Variants in VWA1 observed in about 807,000 individuals in gnomAD.
VWA1 encodes the protein von Willebrand factor A domain containing 1.
A neutral mutation model predicts 14.9 loss-of-function variants in VWA1; 12 were observed. The ratio of observed to expected loss-of-function variants is 0.80; its 90% confidence interval spans 0.52 to 1.30. The LOEUF is 1.30. Among genes scored for constraint, VWA1 ranks in the 50% most tolerant of loss-of-function variants. The pLI is 0.00. For missense variants in VWA1, 800 were observed against 649.1 expected, an observed-to-expected ratio of 1.23 and a Z score of -2.53; for synonymous variants, 368 against 310.7, an observed-to-expected ratio of 1.18 and a Z score of -1.94.
intron 1 of VWA1, among the ~76,000 whole-genome samples, chr1:1,436,292 G>A (rs1234745950): frequency 6.6e-6 from 1 of 152,188 alleles, no homozygotes; most frequent in Non-Finnish European, 1.5e-5. Context: ...GAGGTGCCCG[G>A]AGGAAGGGGG....
At position 1,437,451 on chromosome 1, in the gene VWA1, A is replaced by C; in HGVS notation, c.598A>C (p.Ile200Leu). 1 of 1,610,604 alleles carries C rather than the reference A, an allele frequency of 6.2e-7. No individual in the cohort carries two copies. Among genetic ancestry groups the C allele is most frequent in the Non-Finnish European group, 8.5e-7 (1 of 1,178,240 alleles). ...LHFVDVDDLH[I>L]IVQELRGSIL... Reference sequence around the variant, plus strand: ...CTTTGTGGACGTGGATGACCTGCACATCATTGTCCAAGAGCTGAGGGGCTC... The same window carrying C: ...CTTTGTGGACGTGGATGACCTGCACCTCATTGTCCAAGAGCTGAGGGGCTC... Residue 200 changes from isoleucine (I) to leucine (L), a missense_variant, in exon 2 of 3, where the codon ATC becomes CTC. Transcript: ENST00000476993.
At position 1,437,285 on chromosome 1, in the gene VWA1, TGGC is replaced by T; in HGVS notation, c.436_438del (p.Gly146del). On this transcript the variant is annotated inframe_deletion, in exon 2 of 3. Transcript: ENST00000476993. ...CCAAAGTGCTGGTGTGGGTGACAGA[TGGC>T]GGCTCCAGCGACCCTGTGGGCCCCC... The T allele has an allele frequency of 6.2e-7, 1 of 1,610,390 alleles. No homozygotes were observed. The highest frequency in any genetic ancestry group is 8.5e-7 in the Non-Finnish European group (1 of 1,178,982).
chr1:1,439,732 G>T lies in VWA1; in HGVS notation c.1283G>T (p.Arg428Leu). 2 of 1,117,556 alleles carry T rather than the reference G, an allele frequency of 1.8e-6. No homozygotes were observed. Among genetic ancestry groups the T allele is most frequent in the Non-Finnish European group, 2.2e-6 (2 of 915,126 alleles). The allele number at this position is 1,117,556 out of a possible 1,614,324, so 69.2% of individuals were successfully genotyped here. ...TGCACGCCCGACGGCCCGCGCCCGC[G>T]CCCACGCCCCGTGCCCCGCGCCCCG... is the stretch of plus-strand genomic sequence containing the variant. The part of the protein sequence containing the change: ...KACTPDGPRP[R>L]PRPVPRAPTP... The change falls in exon 3 of 3, where the codon CGC becomes CTC. Residue 428 changes from arginine (R) to leucine (L), a missense_variant. Coordinates refer to ENST00000476993, the MANE Select transcript of VWA1 (RefSeq NM_022834.5).
intron 2 of VWA1, among the ~76,000 whole-genome samples, chr1:1,438,187 C>A (rs145904956): frequency 0.02 from 3,058 of 152,266 alleles, 124 homozygotes; most frequent in African/African-American, 0.07. Context: ...TAATCATCCA[C>A]CCAGAGCCGG....
chr1:1,436,311 G>A (rs1414110531), intron 1 of VWA1, among the ~76,000 whole-genome samples: 1 of 152,208 alleles, frequency 6.6e-6, no homozygotes, highest in Admixed American at 6.5e-5. Flanking sequence ...GGAAGCCTGC[G>A]AGGGGCTGTT....
At chr1:1,438,705 G>T (rs993294695) in intron 2 of VWA1, among the ~76,000 whole-genome samples, 1 of 152,140 alleles carries the variant, frequency 6.6e-6, no homozygotes, top group African/African-American at 2.4e-5. Flanking sequence ...ACCCCGGCCT[G>T]GCCACTCAGG....
In VWA1 at chr1:1,441,216, C is replaced by T. The variant is rs1030242456; in HGVS notation, c.*1429C>T. The T allele has an allele frequency of 6.6e-6, 1 of 152,304 alleles. No homozygotes were observed. The highest frequency in any genetic ancestry group is 6.5e-5 in the Admixed American group (1 of 15,288). 9.4% of individuals were successfully genotyped at this position (152,304 alleles called of 1,614,324 possible). ...CTGGTGGGCATTGTGCCAGGGGCCACCTTCGGGACAGCTGGCCTTGGCACC... is the reference window on the plus strand; with the variant it reads ...CTGGTGGGCATTGTGCCAGGGGCCATCTTCGGGACAGCTGGCCTTGGCACC... On this transcript the variant is annotated 3_prime_UTR_variant, in exon 3 of 3. Transcript: ENST00000476993.
rs1638681799 is a variant in VWA1, at chr1:1,442,127, T to A, written c.*2340T>A. 1 of 152,306 alleles carries A rather than the reference T, an allele frequency of 6.6e-6. No homozygotes were observed. Among genetic ancestry groups the A allele is most frequent in the Non-Finnish European group, 1.5e-5 (1 of 68,112 alleles). 9.4% of individuals were successfully genotyped at this position (152,306 alleles called of 1,614,324 possible). A position where few individuals can be genotyped will look rare whatever the true frequency, so the allele number is the denominator to read the frequency against. ...AATCTGCACCAAGTCTCAGAACAGC[T>A]CTGGCCCCGGAGTGCTCCGTCCAGG... On this transcript the variant is annotated 3_prime_UTR_variant, in exon 3 of 3. Transcript: ENST00000476993.
Position 1,436,921 on chromosome 1 carries a change from C to G in VWA1, c.74-6C>G, listed in dbSNP as rs1557769013. The G allele has an allele frequency of 1.3e-6, 2 of 1,575,226 alleles. No homozygotes were observed. Among genetic ancestry groups the G allele is most frequent in the Non-Finnish European group, 8.6e-7 (1 of 1,158,584 alleles). ...CCTGAGGCTGAGCATTCCTCCTTTC[C>G]CCCAGGTCCACCAGCATCAGCCCCC... On this transcript the variant is annotated splice_polypyrimidine_tract_variant and splice_region_variant and intron_variant, in intron 1 of 2. Coordinates refer to ENST00000476993, the MANE Select transcript of VWA1 (RefSeq NM_022834.5).
In VWA1 at chr1:1,435,836, C is replaced by A. The variant is rs1040309376; in HGVS notation, c.73+15C>A. The A allele has an allele frequency of 1.4e-5, 15 of 1,104,740 alleles. No homozygotes were observed. The highest frequency in any genetic ancestry group is 1.5e-5 in the Non-Finnish European group (14 of 914,374). 68.4% of individuals were successfully genotyped at this position (1,104,740 alleles called of 1,614,324 possible). A position where few individuals can be genotyped will look rare whatever the true frequency, so the allele number is the denominator to read the frequency against. On this transcript the variant is annotated intron_variant, in intron 1 of 2. Coordinates refer to ENST00000476993, the MANE Select transcript of VWA1 (RefSeq NM_022834.5). ...CGCGGAGCGCGGTGAGTGCGGCGGG[C>A]GGCCGGGCCGGGGCTGGGGCTTCTG...
rs547144841 is a variant in VWA1, at chr1:1,437,612, C to A, written c.631+128C>A. On this transcript the variant is annotated intron_variant, in intron 2 of 2. Coordinates refer to ENST00000476993, the MANE Select transcript of VWA1 (RefSeq NM_022834.5). Reference sequence around the variant, plus strand: ...CAGGGCCTCCGGGGCTGTGGTACCCCTAGGGTGCAGGGCTGAGTGATGCAG... The same window carrying A: ...CAGGGCCTCCGGGGCTGTGGTACCCATAGGGTGCAGGGCTGAGTGATGCAG... 1.5e-4 allele frequency: 178 copies of A among 1,206,116 alleles called. No individual in the cohort carries two copies. The African/African-American group carries it at 2.4e-3, about 16-fold the overall frequency. 74.7% of individuals were successfully genotyped at this position (1,206,116 alleles called of 1,614,324 possible).
Position 1,435,694 on chromosome 1 carries a change from C to CCGAGCGAGCGAG in VWA1, c.-42_-31dup, listed in dbSNP as rs578075998. 20 of 1,157,378 alleles carry CCGAGCGAGCGAG rather than the reference C, an allele frequency of 1.7e-5. No homozygotes were observed. In the East Asian group the frequency reaches 2.2e-4, roughly 13 times the overall value. The allele number at this position is 1,157,378 out of a possible 1,614,324, so 71.7% of individuals were successfully genotyped here. A position where few individuals can be genotyped will look rare whatever the true frequency, so the allele number is the denominator to read the frequency against. Reference sequence around the variant, plus strand: ...CCGCGCGGTGACGCGCCCTGCAGCCCCGAGCGAGCGAGCGAGCGAGCGAGT... The same window carrying CCGAGCGAGCGAG: ...CCGCGCGGTGACGCGCCCTGCAGCCCCGAGCGAGCGAGCGAGCGAGCGAGCGAGCGAGCGAGT... On this transcript the variant is annotated 5_prime_UTR_variant, in exon 1 of 3. Coordinates refer to ENST00000476993, the MANE Select transcript of VWA1 (RefSeq NM_022834.5).
intron 1 of VWA1, chr1:1,436,721 A>G: frequency 1.8e-6 from 1 of 567,004 alleles, no homozygotes; most frequent in Non-Finnish European, 3.1e-6. Context: ...AAGCCCAGAG[A>G]GAGCCCTAGA....
At position 1,439,187 on chromosome 1, in the gene VWA1, G is replaced by GC; in HGVS notation, c.739dup (p.Leu247ProfsTer40). 6.2e-7 allele frequency: 1 copy of GC among 1,606,132 alleles called. No individual in the cohort carries two copies. The highest frequency in any genetic ancestry group is 8.5e-7 in the Non-Finnish European group (1 of 1,179,412). On this transcript the variant is annotated frameshift_variant, in exon 3 of 3. Transcript: ENST00000476993. LOFTEE classifies it low-confidence loss of function (END_TRUNC). ...CAGACTCGGGCTACTATGTGCTGGAGCTGGTGCCCAGCGCCCAGCCGGGGG... is the reference window on the plus strand; with the variant it reads ...CAGACTCGGGCTACTATGTGCTGGAGCCTGGTGCCCAGCGCCCAGCCGGGGG...
chr1:1,439,234 C>T lies in VWA1; in HGVS notation c.785C>T (p.Pro262Leu), dbSNP rs1400221596. 1 of 1,607,552 alleles carries T rather than the reference C, an allele frequency of 6.2e-7. No homozygotes were observed. The change falls in exon 3 of 3, where the codon CCA becomes CTA. Residue 262 changes from proline to leucine, a missense_variant. By Grantham distance (98) the Pro-to-Leu change is moderately conservative. Coordinates refer to ENST00000476993, the MANE Select transcript of VWA1 (RefSeq NM_022834.5). ...GGGGCTGCAAGACGCCAGCAGCTGCCAGGGAACGCCACGGACTGGATCTGG... is the reference window on the plus strand; with the variant it reads ...GGGGCTGCAAGACGCCAGCAGCTGCTAGGGAACGCCACGGACTGGATCTGG... ...QPGAARRQQL[P>L]GNATDWIWAG...
At position 1,439,985 on chromosome 1, in the gene VWA1, G is replaced by A; in HGVS notation, c.*198G>A. On this transcript the variant is annotated 3_prime_UTR_variant, in exon 3 of 3. Coordinates refer to ENST00000476993, the MANE Select transcript of VWA1 (RefSeq NM_022834.5). The stretch of plus-strand genomic sequence containing the variant: ...GCCTGCCCTCCAGGGCTGGGGCCTC[G>A]CCTGGCGGGACCCCGCAGCAGCCCC... The A allele has an allele frequency of 3.5e-6, 2 of 566,530 alleles. No homozygotes were observed. Among genetic ancestry groups the A allele is most frequent in the Non-Finnish European group, 4.6e-6 (2 of 432,300 alleles). The allele number at this position is 566,530 out of a possible 1,614,324, so 35.1% of individuals were successfully genotyped here. A position where few individuals can be genotyped will look rare whatever the true frequency, so the allele number is the denominator to read the frequency against.
Position 1,437,247 on chromosome 1 carries a change from C to T in VWA1, c.394C>T (p.Arg132Trp), listed in dbSNP as rs765180560. The T allele has an allele frequency of 2.0e-5, 33 of 1,610,570 alleles. No individual in the cohort carries two copies. The East Asian group carries it at 2.9e-4, about 14-fold the overall frequency. ...GCTGTTTGCTGAAGCATCAGGTGCC[C>T]GGCCAGGGGTGCCCAAAGTGCTGGT... ...EQLFAEASGA[R>W]PGVPKVLVWV... is the part of the protein sequence containing the mutation. The change falls in exon 2 of 3, where the codon CGG becomes TGG. Residue 132 changes from arginine to tryptophan, a missense_variant. Transcript: ENST00000476993.
At chr1:1,436,277 C>T (rs990664861) in intron 1 of VWA1, among the ~76,000 whole-genome samples, 4 of 152,144 alleles carry the variant, frequency 2.6e-5, no homozygotes, top group Non-Finnish European at 4.4e-5. Context: ...TCAGCCTCCA[C>T]CCCGGAGGTG....
Position 1,439,641 on chromosome 1 carries a change from G to A in VWA1, c.1192G>A (p.Ala398Thr), listed in dbSNP as rs1301051684. Residue 398 changes from alanine (A) to threonine (T), a missense_variant, in exon 3 of 3, where the codon GCC (alanine) becomes ACC (threonine). Physicochemically the swap from Ala to Thr is moderately conservative, Grantham distance 58. Transcript: ENST00000476993. Reference sequence around the variant, plus strand: ...GCTGCAGGGCCTGGCGCCGGGCACCGCCTACCTGGTGACCGTGACCGCCGC... The same window carrying A: ...GCTGCAGGGCCTGGCGCCGGGCACCACCTACCTGGTGACCGTGACCGCCGC... ...TTLQGLAPGT[A>T]YLVTVTAAFR... is the part of the protein sequence containing the mutation. 2 of 1,325,338 alleles carry A rather than the reference G, an allele frequency of 1.5e-6. No homozygotes were observed. The highest frequency in any genetic ancestry group is 3.3e-5 in the Admixed American group (1 of 30,462). 82.1% of individuals were successfully genotyped at this position (1,325,338 alleles called of 1,614,324 possible). A position where few individuals can be genotyped will look rare whatever the true frequency, so the allele number is the denominator to read the frequency against.
Sources: gnomAD v4.1 joint callset for allele counts (sites outside exome capture counted in the v4.1 genomes callset) on GRCh38, gnomAD v4.1.1 for gene constraint, MANE v1.5 for transcripts, NCBI Gene and HGNC (gene_info 2026-07-23, HGNC 2026-07-21) for gene names.